CACNG3: variants seen among roughly 807,000 people sequenced by gnomAD.
The protein encoded by CACNG3 is voltage-dependent calcium channel gamma-3 subunit.
In CACNG3, 3 loss-of-function variants were observed where a neutral mutation model predicts 28.5. That is an observed-to-expected ratio of 0.11 (90% confidence interval 0.05 to 0.27). The LOEUF (loss-of-function observed/expected upper bound fraction) is 0.27. Among genes scored for constraint, CACNG3 ranks in the 10% least tolerant of loss-of-function variants. The pLI, the probability that CACNG3 is intolerant of heterozygous loss-of-function variation, is 1.00. For missense variants in CACNG3, 236 were observed against 414.4 expected (o/e 0.57, Z 3.74); for synonymous variants, 174 against 162.2 (o/e 1.07, Z -0.55).
chr16:24,322,652 AG>A (rs1266024962), intron 1 of CACNG3, among the ~76,000 whole-genome samples: 2 of 152,078 alleles, frequency 1.3e-5, no homozygotes, highest in Non-Finnish European at 2.9e-5. Flanking sequence ...AAGAAGCAAA[AG>A]TTTTTCCCCT....
intron 1 of CACNG3, 87 bp from the exon 2 acceptor site, chr16:24,346,647 G>A: frequency 2.3e-6 from 2 of 865,932 alleles, no homozygotes; most frequent in Non-Finnish European, 3.8e-6. Flanking sequence ...ACCAGAGAAA[G>A]GATCTGCACA....
chr16:24,359,653 G>A (rs748862320), intron 3 of CACNG3, among the ~76,000 whole-genome samples: 3 of 151,970 alleles, frequency 2.0e-5, no homozygotes, highest in Non-Finnish European at 4.4e-5. Context: ...CTTGAGGCCA[G>A]GAGTTCAAAA....
intron 1 of CACNG3, among the ~76,000 whole-genome samples, chr16:24,305,640 CT>C (rs1899176110): frequency 6.6e-6 from 1 of 152,016 alleles, no homozygotes; most frequent in Non-Finnish European, 1.5e-5. Flanking sequence ...ACACTGGGGC[CT>C]GTCCTGGGTG....
At chr16:24,301,979 G>A (rs1899118634) in intron 1 of CACNG3, among the ~76,000 whole-genome samples, 1 of 152,126 alleles carries the variant, frequency 6.6e-6, no homozygotes, top group Admixed American at 6.5e-5. Flanking sequence ...TTCATCCTGG[G>A]ATAGTTCTGA....
chr16:24,329,309 T>G (rs1282256705), intron 1 of CACNG3, among the ~76,000 whole-genome samples: 1 of 152,198 alleles, frequency 6.6e-6, no homozygotes, highest in Non-Finnish European at 1.5e-5. Context: ...GGGCCCGGGA[T>G]GGATTTGCTT....
intron 1 of CACNG3, among the ~76,000 whole-genome samples, chr16:24,279,602 A>G (rs1315830668): frequency 6.6e-6 from 1 of 152,194 alleles, no homozygotes; most frequent in Non-Finnish European, 1.5e-5. Flanking sequence ...AGTTCGCCCA[A>G]CTGAGGAATA....
intron 1 of CACNG3, among the ~76,000 whole-genome samples, chr16:24,330,643 A>C (rs1899620028): frequency 6.6e-6 from 1 of 152,252 alleles, no homozygotes; most frequent in African/African-American, 2.4e-5. Context: ...AGAAGAGCCC[A>C]GGTGATTCTC....
At chr16:24,282,170 AT>A (rs1435380402) in intron 1 of CACNG3, among the ~76,000 whole-genome samples, 1 of 152,146 alleles carries the variant, frequency 6.6e-6, no homozygotes, top group Admixed American at 6.5e-5. Context: ...CACGATCTCC[AT>A]TTTCCCATGA....
intron 1 of CACNG3, among the ~76,000 whole-genome samples, chr16:24,312,903 A>AGAAGGAAG (rs1221123848): frequency 7.6e-5 from 9 of 118,098 alleles, no homozygotes; most frequent in South Asian, 3.0e-4. Flanking sequence ...AAGGAAAGAA[A>AGAAGGAAG]GAAGGAAGGA....
At chr16:24,305,191 GA>G (rs1167421155) in intron 1 of CACNG3, among the ~76,000 whole-genome samples, 2 of 152,100 alleles carry the variant, frequency 1.3e-5, no homozygotes, top group East Asian at 3.8e-4. Flanking sequence ...GATAATAGGA[GA>G]TGCTATGCAT....
At chr16:24,274,198 A>T (rs1567208121) in intron 1 of CACNG3, among the ~76,000 whole-genome samples, 1 of 146,790 alleles carries the variant, frequency 6.8e-6, no homozygotes, top group African/African-American at 2.5e-5. Flanking sequence ...AAAAAAAAAA[A>T]AACAAAAAAA....
intron 1 of CACNG3, among the ~76,000 whole-genome samples, chr16:24,291,189 A>T (rs1487424276): frequency 6.6e-6 from 1 of 152,216 alleles, no homozygotes; most frequent in Non-Finnish European, 1.5e-5. Flanking sequence ...GTTTTGGCAC[A>T]TAGTTAGCCC....
At chr16:24,316,186 T>C (rs2141367155) in intron 1 of CACNG3, among the ~76,000 whole-genome samples, 1 of 151,718 alleles carries the variant, frequency 6.6e-6, no homozygotes, top group South Asian at 2.1e-4. Flanking sequence ...CATCCCTGCT[T>C]TGGGGGACTC....
chr16:24,266,959 T>C (rs1334869713), intron 1 of CACNG3, among the ~76,000 whole-genome samples: 1 of 150,620 alleles, frequency 6.6e-6, no homozygotes, highest in Non-Finnish European at 1.5e-5. Flanking sequence ...AAATAATTAT[T>C]TTTAATTTCT....
At chr16:24,341,887 C>G in intron 1 of CACNG3, among the ~76,000 whole-genome samples, 1 of 152,186 alleles carries the variant, frequency 6.6e-6, no homozygotes, top group East Asian at 1.9e-4. Context: ...ATTCATTACT[C>G]CCGCATGGAA....
At chr16:24,309,143 T>C (rs1213728929) in intron 1 of CACNG3, among the ~76,000 whole-genome samples, 2 of 152,150 alleles carry the variant, frequency 1.3e-5, no homozygotes, top group South Asian at 2.1e-4. Context: ...ATCTCTCCAA[T>C]GCGCACAAAG....
At chr16:24,274,050 G>C (rs941499822) in intron 1 of CACNG3, among the ~76,000 whole-genome samples, 5 of 151,992 alleles carry the variant, frequency 3.3e-5, no homozygotes, top group Admixed American at 2.6e-4. Flanking sequence ...AGCCAGGCTT[G>C]GTGGTGCATG....
chr16:24,309,506 C>T (rs1224153172), intron 1 of CACNG3, among the ~76,000 whole-genome samples: 1 of 152,214 alleles, frequency 6.6e-6, no homozygotes, highest in East Asian at 1.9e-4. Context: ...TGCCACATGA[C>T]TCATTTGTCT....
At chr16:24,323,796 G>A (rs1037616544) in intron 1 of CACNG3, among the ~76,000 whole-genome samples, 7 of 152,190 alleles carry the variant, frequency 4.6e-5, no homozygotes, top group African/African-American at 1.7e-4. Flanking sequence ...TTGAGGCAGA[G>A]TGTCACTGTG....
Sources: gnomAD v4.1 joint callset for allele counts (sites outside exome capture counted in the v4.1 genomes callset) on GRCh38, gnomAD v4.1.1 for gene constraint, MANE v1.5 for transcripts, NCBI Gene and HGNC (gene_info 2026-07-23, HGNC 2026-07-21) for gene names.